Variants in THADA observed in about 807,000 individuals in gnomAD.
THADA encodes tRNA (32-2'-O)-methyltransferase regulator THADA.
Under a neutral mutation model 219.8 loss-of-function variants are expected in THADA, and 213 were observed. The ratio of observed to expected loss-of-function variants is 0.97; its 90% CI spans 0.87 to 1.09. The LOEUF is 1.09. THADA is among the 50% of genes least tolerant of loss of function. The pLI is 0.00. For synonymous variants in THADA, 1,018 were observed against 828.9 expected (o/e 1.23, Z -3.92); for missense variants, 2,956 against 2,311.3 (o/e 1.28, Z -5.72).
chr2:43,331,111 C>T (rs1448687948), intron 30 of THADA, among the ~76,000 whole-genome samples: 1 of 152,156 alleles, frequency 6.6e-6, no homozygotes, highest in Non-Finnish European at 1.5e-5. Context: ...CATATTGAAA[C>T]CATCTCTACT....
rs367669793 is a variant in THADA, at chr2:43,404,148, G to A, written c.4059-6009C>T. Among the ~76,000 whole-genome samples the A allele has an allele frequency of 3.2e-4, 48 of 152,134 alleles. No individual in the cohort carries two copies. In the South Asian group the frequency reaches 9.5e-3, roughly 30 times the overall value. ...CTTGTACTTTTACTCCTGTACTCTT[G>A]TAATGAAGAGGGGAACTCCTCTTCA... On this transcript the variant is annotated intron_variant, in intron 28 of 37. Coordinates refer to ENST00000405975, the MANE Select transcript of THADA (RefSeq NM_022065.5).
At chr2:43,382,942 T>C (rs1167647113) in intron 29 of THADA, among the ~76,000 whole-genome samples, 12 of 152,200 alleles carry the variant, frequency 7.9e-5, no homozygotes, top group Admixed American at 7.9e-4. Context: ...TAAATTATGT[T>C]CTCTGACCAC....
intron 26 of THADA, among the ~76,000 whole-genome samples, chr2:43,478,863 T>G (rs7570242): frequency 2.0e-5 from 3 of 152,080 alleles, no homozygotes; most frequent in African/African-American, 7.3e-5. Context: ...AACCTAAGAA[T>G]GAACAAAAAC....
chr2:43,381,684 G>A (rs938286083), intron 29 of THADA, among the ~76,000 whole-genome samples: 2 of 151,532 alleles, frequency 1.3e-5, no homozygotes, highest in South Asian at 4.2e-4. Flanking sequence ...GGATTCAAGC[G>A]ATTCTTCTGT....
At position 43,574,762 on chromosome 2, in the gene THADA, G is replaced by C. The variant is rs746239295; in HGVS notation, c.1303C>G (p.Pro435Ala). The C allele has an allele frequency of 8.1e-6, 13 of 1,613,962 alleles. No individual in the cohort carries two copies. Among genetic ancestry groups the C allele is most frequent in the Non-Finnish European group, 1.1e-5 (13 of 1,179,884 alleles). ...TVEGADFVPD[P>A]FFVELTESLL... ...CTCTCAGTCAATTCCACAAAGAAAG[G>C]ATCAGGGACGAAATCTGCACCTTCC... is the stretch of plus-strand genomic sequence containing the variant. Residue 435 changes from proline (P) to alanine (A), a missense_variant, in exon 11 of 38, where the codon CCT becomes GCT. Coordinates refer to ENST00000405975, the MANE Select transcript of THADA (RefSeq NM_022065.5).
intron 35 of THADA, among the ~76,000 whole-genome samples, chr2:43,285,119 G>A (rs927352968): frequency 3.3e-5 from 5 of 152,196 alleles, no homozygotes; most frequent in African/African-American, 1.2e-4. Flanking sequence ...ACTTTGGACT[G>A]TGGACTTTTG....
At chr2:43,361,515 T>C (rs1669522985) in intron 29 of THADA, among the ~76,000 whole-genome samples, 2 of 152,344 alleles carry the variant, frequency 1.3e-5, no homozygotes, top group South Asian at 4.1e-4. Context: ...GTTCTCCTGT[T>C]CTCCTAGCTC....
At chr2:43,419,331 G>T (rs1573553839) in intron 28 of THADA, among the ~76,000 whole-genome samples, 3 of 152,226 alleles carry the variant, frequency 2.0e-5, no homozygotes, top group Non-Finnish European at 4.4e-5. Context: ...AATGTTCAAA[G>T]TGAGTGAGGA....
chr2:43,426,723 C>T (rs554442305), intron 28 of THADA, among the ~76,000 whole-genome samples: 40 of 152,276 alleles, frequency 2.6e-4, no homozygotes, highest in Non-Finnish European at 4.7e-4. Flanking sequence ...CATAAGTCAG[C>T]TCTGTGAAAC....
intron 24 of THADA, 60 bp downstream of exon 24, chr2:43,505,562 A>T: frequency 2.3e-6 from 3 of 1,303,292 alleles, no homozygotes; most frequent in Non-Finnish European, 3.2e-6. Flanking sequence ...TCTTGAAAAA[A>T]GTGAAAAACA....
chr2:43,481,925 A>G (rs1226119458), intron 26 of THADA, among the ~76,000 whole-genome samples: 5 of 152,196 alleles, frequency 3.3e-5, no homozygotes, highest in African/African-American at 9.7e-5. Flanking sequence ...TGGGACTCAC[A>G]GCTGAAAGTT....
chr2:43,427,176 G>A (rs537033548), intron 28 of THADA, among the ~76,000 whole-genome samples: 11 of 152,196 alleles, frequency 7.2e-5, no homozygotes, highest in African/African-American at 2.2e-4. Context: ...CCATTGCACC[G>A]GCTCGCAGAC....
chr2:43,247,273 C>T (rs1043813599), intron 36 of THADA, among the ~76,000 whole-genome samples: 29 of 152,026 alleles, frequency 1.9e-4, no homozygotes, highest in African/African-American at 6.0e-4. Flanking sequence ...TCAAAGTAAC[C>T]GACCCCAGAA....
intron 27 of THADA, among the ~76,000 whole-genome samples, chr2:43,429,254 C>T (rs906563255): frequency 7.2e-5 from 11 of 152,012 alleles, no homozygotes; most frequent in South Asian, 2.1e-4. Context: ...ATCACAGGTG[C>T]GCACCACCAG....
intron 26 of THADA, among the ~76,000 whole-genome samples, chr2:43,434,511 C>T (rs1679818461): frequency 6.6e-6 from 1 of 152,180 alleles, no homozygotes. Flanking sequence ...CGCAGGCACA[C>T]AAGCGGCTGG....
intron 28 of THADA, among the ~76,000 whole-genome samples, chr2:43,398,703 A>G (rs988511902): frequency 6.6e-6 from 1 of 152,218 alleles, no homozygotes; most frequent in Admixed American, 6.5e-5. Flanking sequence ...AACCAGGGGC[A>G]AAGTGGTATA....
intron 29 of THADA, among the ~76,000 whole-genome samples, chr2:43,352,032 A>G (rs1286545437): frequency 6.6e-6 from 1 of 152,208 alleles, no homozygotes; most frequent in African/African-American, 2.4e-5. Context: ...TTAACTAAAC[A>G]CTAACATAAT....
At chr2:43,498,303 C>T (rs904694391) in intron 25 of THADA, among the ~76,000 whole-genome samples, 1 of 152,096 alleles carries the variant, frequency 6.6e-6, no homozygotes, top group Non-Finnish European at 1.5e-5. Flanking sequence ...CAGAAATGCA[C>T]AGTGCTGATA....
intron 29 of THADA, among the ~76,000 whole-genome samples, chr2:43,397,172 T>G (rs767840376): frequency 2.0e-5 from 3 of 152,168 alleles, no homozygotes; most frequent in Non-Finnish European, 4.4e-5. Context: ...CTGCCTGCCA[T>G]GTCAGCAGTG....
Sources: gnomAD v4.1 joint callset for allele counts (sites outside exome capture counted in the v4.1 genomes callset) on GRCh38, gnomAD v4.1.1 for gene constraint, MANE v1.5 for transcripts, NCBI Gene and HGNC (gene_info 2026-07-23, HGNC 2026-07-21) for gene names.